PCDH7: variants seen among roughly 807,000 people sequenced by gnomAD.
PCDH7 encodes the protein protocadherin-7.
A neutral mutation model predicts 58.9 loss-of-function variants in PCDH7; 17 were observed. That is an observed-to-expected ratio of 0.29 (90% CI 0.20 to 0.43). The LOEUF is 0.43. Among genes scored for constraint, PCDH7 ranks in the 20% least tolerant of loss-of-function variants. The probability of loss-of-function intolerance (pLI) is 1.00; values close to 1 mark genes in which losing one functional copy is unlikely to be tolerated. For missense variants in PCDH7, 1,274 were observed against 1,441.0 expected (o/e 0.88, Z 1.88); for synonymous variants, 664 against 616.4 (o/e 1.08, Z -1.14).
chr4:31,117,266 G>A (rs1341168906), intron 3 of PCDH7, among the ~76,000 whole-genome samples: 1 of 152,092 alleles, frequency 6.6e-6, no homozygotes, highest in East Asian at 1.9e-4. Context: ...TCTGTCTTAA[G>A]CAAAATGTCA....
intron 3 of PCDH7, among the ~76,000 whole-genome samples, chr4:31,116,830 G>T (rs982015347): frequency 3.9e-5 from 6 of 152,004 alleles, no homozygotes; most frequent in Admixed American, 2.6e-4. Context: ...GGGTTTTTTT[G>T]TTGTTGTTGT....
intron 3 of PCDH7, among the ~76,000 whole-genome samples, chr4:31,040,960 G>A (rs1439614847): frequency 6.6e-6 from 1 of 151,916 alleles, no homozygotes; most frequent in Non-Finnish European, 1.5e-5. Flanking sequence ...TTACAGAGTT[G>A]TGGAAAAACA....
intron 3 of PCDH7, among the ~76,000 whole-genome samples, chr4:31,106,223 T>G (rs1178351362): frequency 6.6e-6 from 1 of 152,254 alleles, no homozygotes; most frequent in East Asian, 1.9e-4. Flanking sequence ...CTTGTCCCAC[T>G]TTCTTATTGA....
At chr4:30,957,969 A>G (rs61795888) in intron 3 of PCDH7, among the ~76,000 whole-genome samples, 21,056 of 152,066 alleles carry the variant, frequency 0.14, 1,876 homozygotes, top group Middle Eastern at 0.24. Flanking sequence ...AATATGTTTT[A>G]TGACACTTGA....
At chr4:31,146,084 G>A (rs893832595), downstream of PCDH7, 2 of 151,978 alleles carry the variant, frequency 1.3e-5, no homozygotes, top group African/African-American at 4.8e-5. Context: ...ATTTCTGTAT[G>A]GTTTCTGACT....
chr4:30,990,766 C>T (rs1751402427), intron 3 of PCDH7, among the ~76,000 whole-genome samples: 1 of 152,062 alleles, frequency 6.6e-6, no homozygotes, highest in Non-Finnish European at 1.5e-5. Context: ...TAAAAGTGGG[C>T]ACAGCATTAT....
intron 1 of PCDH7, among the ~76,000 whole-genome samples, chr4:30,838,541 A>T (rs1437670301): frequency 6.6e-6 from 1 of 152,172 alleles, no homozygotes; most frequent in Non-Finnish European, 1.5e-5. Flanking sequence ...GCATTAAGCC[A>T]CGTGGAAGTG....
chr4:30,766,153 A>G (rs1245030222), intron 1 of PCDH7, among the ~76,000 whole-genome samples: 3 of 151,888 alleles, frequency 2.0e-5, no homozygotes, highest in Non-Finnish European at 2.9e-5. Context: ...AGCCCCCTCT[A>G]ATTGCAAAAT....
intron 1 of PCDH7, among the ~76,000 whole-genome samples, chr4:30,762,889 G>A (rs971573487): frequency 1.3e-5 from 2 of 152,146 alleles, no homozygotes; most frequent in African/African-American, 2.4e-5. Flanking sequence ...TCCCAAACTT[G>A]TTTACTCACT....
chr4:31,088,970 C>T (rs1712856001), intron 3 of PCDH7, among the ~76,000 whole-genome samples: 1 of 151,980 alleles, frequency 6.6e-6, no homozygotes, highest in East Asian at 1.9e-4. Flanking sequence ...ATATCTTACA[C>T]TTTAGGTATT....
At chr4:31,105,771 G>T (rs983877680) in intron 3 of PCDH7, among the ~76,000 whole-genome samples, 1 of 152,080 alleles carries the variant, frequency 6.6e-6, no homozygotes, top group Non-Finnish European at 1.5e-5. Flanking sequence ...ACTTTAGGAG[G>T]CCGAGGTGGG....
intron 2 of PCDH7, among the ~76,000 whole-genome samples, chr4:30,924,875 C>G (rs1476485691): frequency 6.6e-6 from 1 of 150,592 alleles, no homozygotes; most frequent in East Asian, 2.0e-4. Flanking sequence ...TCTTAAATAT[C>G]ACACCATAAA....
intron 3 of PCDH7, among the ~76,000 whole-genome samples, chr4:31,082,375 C>G (rs912909751): frequency 1.3e-4 from 20 of 151,908 alleles, no homozygotes; most frequent in African/African-American, 4.8e-4. Flanking sequence ...TGTTTTTTTC[C>G]CCAACATAAA....
intron 3 of PCDH7, among the ~76,000 whole-genome samples, chr4:31,111,510 G>C (rs1173679788): frequency 6.6e-6 from 1 of 151,868 alleles, no homozygotes; most frequent in Admixed American, 6.6e-5. Context: ...GGGTTTTTCT[G>C]TGTTGGCCAG....
intron 1 of PCDH7, among the ~76,000 whole-genome samples, chr4:30,752,900 G>A (rs1718760657): frequency 6.6e-6 from 1 of 151,780 alleles, no homozygotes; most frequent in Admixed American, 6.6e-5. Flanking sequence ...ATTTAAATAA[G>A]TGGTAATTCA....
rs763356997 is a variant in PCDH7 at position 30,751,699 on chromosome 4, G to A, written c.70+27103G>A. Among the ~76,000 whole-genome samples, 3 of 152,022 alleles carry A rather than the reference G, an allele frequency of 2.0e-5. No individual in the cohort carries two copies. The East Asian group carries it at 5.8e-4, about 29-fold the overall frequency. ...CAGAGCTAGGTACTGTGCTTTGTAG[G>A]TGCTTAATAATGCTTTGGAACTGAT... On this transcript the variant is annotated intron_variant, in intron 1 of 3. Transcript: ENST00000509759.
intron 1 of PCDH7, among the ~76,000 whole-genome samples, chr4:30,837,829 C>T (rs890197275): frequency 2.0e-5 from 3 of 149,396 alleles, no homozygotes; most frequent in African/African-American, 7.3e-5. Flanking sequence ...AAACAGAGTA[C>T]ATTTCTAAAA....
chr4:30,777,150 T>A (rs1672295590), intron 1 of PCDH7, among the ~76,000 whole-genome samples: 1 of 152,136 alleles, frequency 6.6e-6, no homozygotes, highest in Admixed American at 6.5e-5. Flanking sequence ...GTTTTAGATC[T>A]GTGATTTGGG....
chr4:30,934,408 G>GT (rs142138694), intron 2 of PCDH7, among the ~76,000 whole-genome samples: 5,632 of 152,134 alleles, frequency 0.037, 342 homozygotes, highest in African/African-American at 0.13. Context: ...TTTTTCTGAA[G>GT]TTTTTTGAAA....
Sources: allele counts gnomAD v4.1 joint callset (sites outside exome capture counted in the v4.1 genomes callset), GRCh38; gene constraint gnomAD v4.1.1; transcripts MANE v1.5; gene names NCBI Gene and HGNC (gene_info 2026-07-23, HGNC 2026-07-21).